CTNNA3: variants seen among roughly 807,000 people sequenced by gnomAD.
CTNNA3 encodes the protein catenin alpha 3.
CTNNA3 carries 76 observed loss-of-function variants against 95.7 expected under a neutral mutation model. The observed-to-expected ratio is 0.79, with a 90% CI of 0.66 to 0.96. CTNNA3 has a LOEUF of 0.96. CTNNA3 is among the 40% of genes least tolerant of loss of function. CTNNA3 has a pLI of 0.00. For missense variants in CTNNA3, 1,191 were observed against 1,089.8 expected (o/e 1.09, Z -1.31); for synonymous variants, 431 against 374.4 (o/e 1.15, Z -1.74).
intron 10 of CTNNA3, among the ~76,000 whole-genome samples, chr10:66,535,524 C>T (rs1275923934): frequency 6.6e-6 from 1 of 152,070 alleles, no homozygotes; most frequent in Non-Finnish European, 1.5e-5. Context: ...GGTGACAAAC[C>T]TACAATGGCT....
chr10:66,440,652 C>G (rs1283946109), intron 11 of CTNNA3, among the ~76,000 whole-genome samples: 1 of 152,072 alleles, frequency 6.6e-6, no homozygotes, highest in African/African-American at 2.4e-5. Context: ...TTGTTTGAAA[C>G]TTGAGAATAG....
intron 11 of CTNNA3, among the ~76,000 whole-genome samples, chr10:66,492,862 G>C (rs1302795149): frequency 6.6e-6 from 1 of 152,158 alleles, no homozygotes; most frequent in Non-Finnish European, 1.5e-5. Context: ...CTCCTTGATA[G>C]AGAAGGAAGA....
intron 12 of CTNNA3, among the ~76,000 whole-genome samples, chr10:66,291,012 A>G (rs888131861): frequency 1.3e-5 from 2 of 152,154 alleles, no homozygotes; most frequent in African/African-American, 4.8e-5. Context: ...ATGATAACCT[A>G]TATGACAGTG....
At chr10:67,638,252 C>A (rs914392601) in intron 2 of CTNNA3, among the ~76,000 whole-genome samples, 2 of 152,090 alleles carry the variant, frequency 1.3e-5, no homozygotes, top group Admixed American at 6.5e-5. Flanking sequence ...CAACAAAGAT[C>A]AAAACAGACA....
chr10:66,614,642 A>T (rs1175467562), intron 10 of CTNNA3, among the ~76,000 whole-genome samples: 1 of 151,982 alleles, frequency 6.6e-6, no homozygotes, highest in Non-Finnish European at 1.5e-5. Context: ...TTTATACCCA[A>T]CCACATCACT....
At chr10:66,150,259 C>G (rs1311861687) in intron 13 of CTNNA3, among the ~76,000 whole-genome samples, 1 of 152,160 alleles carries the variant, frequency 6.6e-6, no homozygotes, top group African/African-American at 2.4e-5. Context: ...TGCACAAGCT[C>G]TCTTTGCCTG....
At chr10:66,464,163 G>A (rs1408141727) in intron 11 of CTNNA3, among the ~76,000 whole-genome samples, 3 of 152,052 alleles carry the variant, frequency 2.0e-5, no homozygotes, top group Admixed American at 2.0e-4. Flanking sequence ...TTTAAACTTT[G>A]TTTCAGTTTT....
At chr10:66,385,817 A>G (rs2092885514) in intron 11 of CTNNA3, among the ~76,000 whole-genome samples, 1 of 152,206 alleles carries the variant, frequency 6.6e-6, no homozygotes, top group Non-Finnish European at 1.5e-5. Flanking sequence ...AATCCATCAC[A>G]TAAACAAAAT....
At chr10:67,144,626 G>C (rs1860753737) in intron 7 of CTNNA3, among the ~76,000 whole-genome samples, 1 of 152,106 alleles carries the variant, frequency 6.6e-6, no homozygotes, top group African/African-American at 2.4e-5. Flanking sequence ...AACAAACACT[G>C]CTGGCTTCAG....
chr10:66,196,181 T>G (rs1445798188), intron 13 of CTNNA3, among the ~76,000 whole-genome samples: 3 of 152,068 alleles, frequency 2.0e-5, no homozygotes, highest in Non-Finnish European at 4.4e-5. Flanking sequence ...GAAAGAAAGT[T>G]TAAGAGAATA....
chr10:67,486,676 G>A (rs1435708995), intron 5 of CTNNA3, among the ~76,000 whole-genome samples: 1 of 152,098 alleles, frequency 6.6e-6, no homozygotes, highest in African/African-American at 2.4e-5. Context: ...TAGAGAAAGT[G>A]CCAAATAACT....
At chr10:67,423,885 G>A (rs144610216) in intron 5 of CTNNA3, among the ~76,000 whole-genome samples, 240 of 152,238 alleles carry the variant, frequency 1.6e-3, no homozygotes, top group African/African-American at 4.5e-3. Flanking sequence ...TATCAAAAAC[G>A]AAAGTGCCTC....
At chr10:66,022,870 T>G (rs7091789) in intron 15 of CTNNA3, among the ~76,000 whole-genome samples, 104,180 of 152,008 alleles carry the variant, frequency 0.69, 35,816 homozygotes, top group South Asian at 0.76. Context: ...TCCACCTAGT[T>G]AATTCCAATT....
intron 17 of CTNNA3, among the ~76,000 whole-genome samples, chr10:65,951,894 A>G (rs1160706706): frequency 1.3e-5 from 2 of 152,004 alleles, no homozygotes; most frequent in Non-Finnish European, 2.9e-5. Context: ...GCCGGGCGTG[A>G]TGGCGGGCAC....
Position 66,747,051 on chromosome 10 carries a change from T to C in CTNNA3, c.1281+19213A>G, listed in dbSNP as rs116323683. Among the ~76,000 whole-genome samples, 572 of 152,262 alleles carry C rather than the reference T, an allele frequency of 3.8e-3. 4 individuals carry two copies. The highest frequency in any genetic ancestry group is 0.013 in the African/African-American group (560 of 41,548). The stretch of plus-strand genomic sequence containing the variant: ...ATCAATATAATGGAGATTAAAAGCA[T>C]AACAGAAATAAAATGCTGGTGAAAT... On this transcript the variant is annotated intron_variant, in intron 9 of 17. Coordinates refer to ENST00000433211, the MANE Select transcript of CTNNA3 (RefSeq NM_013266.4).
At chr10:66,665,296 T>G (rs532181342) in intron 9 of CTNNA3, among the ~76,000 whole-genome samples, 1 of 152,276 alleles carries the variant, frequency 6.6e-6, no homozygotes, top group Non-Finnish European at 1.5e-5. Context: ...TCATGGAGGA[T>G]AAAAAGCATT....
In CTNNA3 at chr10:66,530,848, G is replaced by A. The variant is rs1841441710; in HGVS notation, c.1375-10075C>T. ...GAAACCAAGCTATCCTATTCTAGGG[G>A]TTAAAAGTATTTTTTAAGAGGAGAA... is the stretch of plus-strand genomic sequence containing the variant. On this transcript the variant is annotated intron_variant, in intron 10 of 17. Coordinates refer to ENST00000433211, the MANE Select transcript of CTNNA3 (RefSeq NM_013266.4). 2.6e-5 allele frequency among the ~76,000 whole-genome samples: 4 copies of A among 152,254 alleles called. No individual in the cohort carries two copies. In the South Asian group the frequency reaches 8.3e-4, roughly 32 times the overall value.
chr10:67,339,864 A>T (rs1311095681), intron 5 of CTNNA3, among the ~76,000 whole-genome samples: 2 of 152,178 alleles, frequency 1.3e-5, no homozygotes, highest in East Asian at 1.9e-4. Context: ...AATAAATAAG[A>T]ACTGTTCAGT....
intron 1 of CTNNA3, among the ~76,000 whole-genome samples, chr10:67,686,861 C>T (rs1184552231): frequency 6.6e-6 from 1 of 152,034 alleles, no homozygotes; most frequent in African/African-American, 2.4e-5. Flanking sequence ...TGAGTTTGTT[C>T]CTTCCAATGC....
Sources: gnomAD v4.1 joint callset for allele counts (sites outside exome capture counted in the v4.1 genomes callset) on GRCh38, gnomAD v4.1.1 for gene constraint, MANE v1.5 for transcripts, NCBI Gene and HGNC (gene_info 2026-07-23, HGNC 2026-07-21) for gene names.